The following MED20 variants were observed in gnomAD, a reference collection of about 807,000 sequenced individuals.
MED20 encodes the protein mediator complex subunit 20.
Under a neutral mutation model 19.7 loss-of-function variants are expected in MED20, and 19 were observed. That is an observed-to-expected ratio of 0.96 (90% confidence interval 0.67 to 1.42). MED20 has a LOEUF of 1.42. MED20 is among the 40% of genes most tolerant of loss of function. The pLI, the probability that MED20 is intolerant of heterozygous loss-of-function variation, is 0.00. For synonymous variants in MED20, 105 were observed against 104.8 expected, an observed-to-expected ratio of 1.00 and a Z score of -0.01; for missense variants, 225 against 273.0, an observed-to-expected ratio of 0.82 and a Z score of 1.24.
chr6:41,920,362 G>A (rs1203757965), intron 1 of MED20, among the ~76,000 whole-genome samples: 1 of 152,074 alleles, frequency 6.6e-6, no homozygotes, highest in Non-Finnish European at 1.5e-5. Context: ...GGAAGAGCAG[G>A]CGAAAATCTT....
At position 41,921,112 on chromosome 6, in the gene MED20, T is replaced by C; in HGVS notation, c.-94A>G. On this transcript the variant is annotated 5_prime_UTR_variant, in exon 1 of 4. Coordinates refer to ENST00000265350, the MANE Select transcript of MED20 (RefSeq NM_004275.5). ...CTCCTTCAGTTCCCCAACACAACCT[T>C]CTGTCTCAGAAGGGACTCCGGAAAT... 2.0e-6 allele frequency: 3 copies of C among 1,528,814 alleles called. No individual in the cohort carries two copies. Among genetic ancestry groups the C allele is most frequent in the Non-Finnish European group, 2.7e-6 (3 of 1,118,680 alleles). 94.7% of individuals were successfully genotyped at this position (1,528,814 alleles called of 1,614,324 possible). A position where few individuals can be genotyped will look rare whatever the true frequency, so the allele number is the denominator to read the frequency against.
intron 2 of MED20, among the ~76,000 whole-genome samples, chr6:41,913,825 G>C (rs1775252773): frequency 6.6e-6 from 1 of 152,144 alleles, no homozygotes; most frequent in African/African-American, 2.4e-5. Context: ...TTGAACTTGG[G>C]AGGTGGAGGT....
At chr6:41,907,384 C>T (rs1775083239) in intron 3 of MED20, 97 bp from the exon 4 acceptor site, 1 of 1,195,540 alleles carries the variant, frequency 8.4e-7, no homozygotes. Flanking sequence ...CTTCCCCAAC[C>T]CCGAGCTAAA....
At chr6:41,909,168 T>G (rs573148591) in intron 3 of MED20, 101 bp downstream of exon 3, 2 of 1,428,270 alleles carry the variant, frequency 1.4e-6, no homozygotes, top group Admixed American at 4.5e-5. Flanking sequence ...AACAAGACTC[T>G]GTCTCAAAAA....
rs186446822 is a variant in MED20 at position 41,916,693 on chromosome 6, C to A, written c.169+92G>T. ...CTCGCCACATGTTTAAGAATACCAC[C>A]TTTAGCAGAAAAGCAGAAAGACTTC... On this transcript the variant is annotated intron_variant, in intron 2 of 3. Coordinates refer to ENST00000265350, the MANE Select transcript of MED20 (RefSeq NM_004275.5). 8.3e-5 allele frequency: 124 copies of A among 1,502,784 alleles called. No homozygotes were observed. The East Asian group carries it at 2.3e-3, about 28-fold the overall frequency. 93.1% of individuals were successfully genotyped at this position (1,502,784 alleles called of 1,614,324 possible). A position where few individuals can be genotyped will look rare whatever the true frequency, so the allele number is the denominator to read the frequency against.
At chr6:41,912,199 CTT>C (rs887419565) in intron 2 of MED20, among the ~76,000 whole-genome samples, 3 of 119,268 alleles carry the variant, frequency 2.5e-5, no homozygotes, top group African/African-American at 7.1e-5. Context: ...CCATGCCCAC[CTT>C]TTTTTTTTTT....
intron 2 of MED20, among the ~76,000 whole-genome samples, chr6:41,914,663 G>A (rs1412327374): frequency 6.6e-6 from 1 of 151,670 alleles, no homozygotes; most frequent in African/African-American, 2.4e-5. Flanking sequence ...AGCTTGCAGT[G>A]AGCTGTGATC....
chr6:41,915,738 G>A (rs915502035), intron 2 of MED20, among the ~76,000 whole-genome samples: 6 of 151,012 alleles, frequency 4.0e-5, no homozygotes, highest in Non-Finnish European at 5.9e-5. Context: ...AGTGAGCCGA[G>A]ATTGCGCCAC....
rs138851784 is a variant in MED20 at position 41,909,515 on chromosome 6, G to T, written c.177C>A (p.Thr59=). Reference sequence around the variant, plus strand: ...TGTGCATCACATACATCAGCTTCCCGGTCTGACCTGCAAGGGACAGAGATC... The same window carrying T: ...TGTGCATCACATACATCAGCTTCCCTGTCTGACCTGCAAGGGACAGAGATC... ...AASTLGSQGQ[T]GKLMYVMHNS... Residue 59 remains threonine, a synonymous_variant, in exon 3 of 4, where the codon ACC becomes ACA. Transcript: ENST00000265350. The T allele has an allele frequency of 1.9e-6, 3 of 1,614,028 alleles. No homozygotes were observed. The highest frequency in any genetic ancestry group is 4.5e-5 in the East Asian group (2 of 44,884).
At chr6:41,909,169 G>C in intron 3 of MED20, 100 bp downstream of exon 3, 2 of 1,403,472 alleles carry the variant, frequency 1.4e-6, no homozygotes, top group Non-Finnish European at 1.9e-6. Context: ...ACAAGACTCT[G>C]TCTCAAAAAA....
intron 2 of MED20, 89 bp downstream of exon 2, chr6:41,916,696 T>C: frequency 6.6e-7 from 1 of 1,511,578 alleles, no homozygotes; most frequent in East Asian, 2.3e-5. Flanking sequence ...ATACCACCTT[T>C]AGCAGAAAAG....
rs951694669 is a variant in MED20 at position 41,906,437 on chromosome 6, A to G, written c.*635T>C. On this transcript the variant is annotated 3_prime_UTR_variant, in exon 4 of 4. Coordinates refer to ENST00000265350, the MANE Select transcript of MED20 (RefSeq NM_004275.5). The stretch of plus-strand genomic sequence containing the variant: ...TGAGAAAAAAACAAACTTCGATCTT[A>G]TAGCAGTTTGGCCTGTGGCTTAACA... The G allele has an allele frequency of 3.3e-5, 5 of 152,388 alleles. No homozygotes were observed. The highest frequency in any genetic ancestry group is 1.2e-4 in the African/African-American group (5 of 41,462). 9.4% of individuals were successfully genotyped at this position (152,388 alleles called of 1,614,324 possible). A position where few individuals can be genotyped will look rare whatever the true frequency, so the allele number is the denominator to read the frequency against.
In MED20 at chr6:41,921,056, A is replaced by G. The variant is rs578176894; in HGVS notation, c.-38T>C. 64 of 1,608,836 alleles carry G rather than the reference A, an allele frequency of 4.0e-5. No individual in the cohort carries two copies. In the South Asian group the frequency reaches 7.0e-4, roughly 17 times the overall value. On this transcript the variant is annotated 5_prime_UTR_variant, in exon 1 of 4. Coordinates refer to ENST00000265350, the MANE Select transcript of MED20 (RefSeq NM_004275.5). Reference sequence around the variant, plus strand: ...GGAAGGTGGCAGAATCACACAGTAGAAACGCAGGGTTCCCTGTCCGCCCAC... The same window carrying G: ...GGAAGGTGGCAGAATCACACAGTAGGAACGCAGGGTTCCCTGTCCGCCCAC...
Position 41,907,145 on chromosome 6 carries a change from G to C in MED20, c.566C>G (p.Thr189Ser). 6.2e-7 allele frequency: 1 copy of C among 1,613,988 alleles called. No homozygotes were observed. The highest frequency in any genetic ancestry group is 1.1e-5 in the South Asian group (1 of 91,074). The change falls in exon 4 of 4, where the codon ACC (threonine) becomes AGC (serine). Residue 189 changes from threonine (T) to serine (S), a missense_variant. Thr to Ser is a moderately conservative substitution (Grantham distance 58). Transcript: ENST00000265350. ...RHDAVYGPAD[T>S]MVQYMELFNK... ...GAAGAGTTCCATGTACTGGACCATGGTATCTGCTGGGCCGTAGACCGCATC... is the reference window on the plus strand; with the variant it reads ...GAAGAGTTCCATGTACTGGACCATGCTATCTGCTGGGCCGTAGACCGCATC...
At chr6:41,918,685 C>T (rs1775379367) in intron 1 of MED20, among the ~76,000 whole-genome samples, 1 of 151,764 alleles carries the variant, frequency 6.6e-6, no homozygotes, top group East Asian at 1.9e-4. Context: ...CGGTGGCTCA[C>T]GCCTGTAATC....
chr6:41,913,102 T>A (rs1339230785), intron 2 of MED20: 1 of 147,600 alleles, frequency 6.8e-6, no homozygotes, highest in Non-Finnish European at 1.5e-5. Context: ...AGAGAGACCC[T>A]GTCTCAAAAA....
intron 2 of MED20, among the ~76,000 whole-genome samples, chr6:41,912,339 G>A (rs567495393): frequency 7.1e-6 from 1 of 140,874 alleles, no homozygotes; most frequent in African/African-American, 2.7e-5. Flanking sequence ...ACTGCACTCA[G>A]CTGACCATAG....
At chr6:41,915,085 G>A (rs1041584722) in intron 2 of MED20, among the ~76,000 whole-genome samples, 6 of 152,216 alleles carry the variant, frequency 3.9e-5, no homozygotes, top group Non-Finnish European at 7.3e-5. Flanking sequence ...TGGTTAGTCA[G>A]TGATTAACCC....
chr6:41,906,081 T>C lies in MED20; in HGVS notation c.*991A>G, dbSNP rs532312821. ...CATTAACTGCATCTCAGCAACCAAA[T>C]TGTCTTTCATCTTGTAGTCACAGAA... On this transcript the variant is annotated 3_prime_UTR_variant, in exon 4 of 4. Coordinates refer to ENST00000265350, the MANE Select transcript of MED20 (RefSeq NM_004275.5). The C allele has an allele frequency of 1.1e-4, 17 of 152,354 alleles. No homozygotes were observed. The highest frequency in any genetic ancestry group is 3.4e-4 in the African/African-American group (14 of 41,580). 9.4% of individuals were successfully genotyped at this position (152,354 alleles called of 1,614,324 possible).
Sources: gnomAD v4.1 joint callset for allele counts (sites outside exome capture counted in the v4.1 genomes callset) on GRCh38, gnomAD v4.1.1 for gene constraint, MANE v1.5 for transcripts, NCBI Gene and HGNC (gene_info 2026-07-23, HGNC 2026-07-21) for gene names.